The following LUZP2 variants were observed in gnomAD, a reference collection of about 807,000 sequenced individuals.
LUZP2 encodes leucine zipper protein 2.
A neutral mutation model predicts 51.6 loss-of-function variants in LUZP2; 52 were observed. The observed-to-expected ratio is 1.01, with a 90% CI of 0.81 to 1.27. The LOEUF (loss-of-function observed/expected upper bound fraction) is 1.27, where lower values mean the gene tolerates loss of function less well. Ranked by LOEUF, LUZP2 falls within the 50% of genes most tolerant of loss-of-function variation. The pLI is 0.00. For missense variants in LUZP2, 436 were observed against 395.4 expected, an observed-to-expected ratio of 1.10 and a Z score of -0.87; for synonymous variants, 154 against 137.3, an observed-to-expected ratio of 1.12 and a Z score of -0.85.
chr11:24,771,373 T>G (rs2134051959), intron 5 of LUZP2, among the ~76,000 whole-genome samples: 1 of 62,260 alleles, frequency 1.6e-5, no homozygotes, highest in South Asian at 5.3e-4. Context: ...TTATAGTGTC[T>G]TATGTATATA....
chr11:24,643,254 C>CAAAAAAAAAAA (rs570616833), intron 1 of LUZP2, among the ~76,000 whole-genome samples: 36 of 75,678 alleles, frequency 4.8e-4, no homozygotes, highest in African/African-American at 6.2e-4. Context: ...ACTAAAAGTA[C>CAAAAAAAAAAA]AAAAAAAAAA....
At chr11:24,697,593 A>T (rs1228901108) in intron 1 of LUZP2, among the ~76,000 whole-genome samples, 1 of 152,200 alleles carries the variant, frequency 6.6e-6, no homozygotes. Flanking sequence ...GGGCGATAAT[A>T]GCTCCTTTCC....
At chr11:24,676,695 G>T (rs1219035678) in intron 1 of LUZP2, among the ~76,000 whole-genome samples, 1 of 151,088 alleles carries the variant, frequency 6.6e-6, no homozygotes, top group African/African-American at 2.4e-5. Flanking sequence ...ACAGAGTCTT[G>T]CTCTGTCACC....
intron 5 of LUZP2, among the ~76,000 whole-genome samples, chr11:24,903,875 A>G (rs1008216639): frequency 2.6e-5 from 4 of 152,188 alleles, no homozygotes; most frequent in Non-Finnish European, 4.4e-5. Flanking sequence ...TTTAAAGGGT[A>G]ACAGATCTGT....
intron 1 of LUZP2, among the ~76,000 whole-genome samples, chr11:24,669,805 T>C (rs1856343314): frequency 6.6e-6 from 1 of 152,056 alleles, no homozygotes; most frequent in South Asian, 2.1e-4. Context: ...TTCTTTTGGC[T>C]TAGGTCATGA....
At chr11:24,763,520 C>T (rs1285407065) in intron 5 of LUZP2, among the ~76,000 whole-genome samples, 2 of 152,004 alleles carry the variant, frequency 1.3e-5, no homozygotes, top group Non-Finnish European at 2.9e-5. Flanking sequence ...GTCCAAACTT[C>T]TCTAGTTCAT....
chr11:24,715,878 A>G (rs191732523), intron 1 of LUZP2, among the ~76,000 whole-genome samples: 2 of 152,288 alleles, frequency 1.3e-5, no homozygotes, highest in African/African-American at 2.4e-5. Flanking sequence ...CATTATTTGT[A>G]GAGGGACTGC....
intron 5 of LUZP2, among the ~76,000 whole-genome samples, chr11:24,804,803 G>A (rs751368882): frequency 6.6e-6 from 1 of 152,024 alleles, no homozygotes; most frequent in Non-Finnish European, 1.5e-5. Flanking sequence ...ATATTTTGGT[G>A]TAGCATGTTC....
intron 9 of LUZP2, among the ~76,000 whole-genome samples, chr11:24,996,911 T>A (rs1856520007): frequency 6.6e-6 from 1 of 151,588 alleles, no homozygotes; most frequent in African/African-American, 2.4e-5. Flanking sequence ...GAATGATGAT[T>A]TCCAATTTCA....
At chr11:24,667,888 T>G (rs184396304) in intron 1 of LUZP2, among the ~76,000 whole-genome samples, 1 of 152,302 alleles carries the variant, frequency 6.6e-6, no homozygotes, top group Admixed American at 6.5e-5. Flanking sequence ...AAATAAATTA[T>G]CTAATGCAAA....
chr11:24,659,337 C>T (rs773537804), intron 1 of LUZP2, among the ~76,000 whole-genome samples: 10 of 152,156 alleles, frequency 6.6e-5, no homozygotes, highest in African/African-American at 1.4e-4. Context: ...AAGCAAACAC[C>T]GCATATTCTC....
In LUZP2 at chr11:24,924,662, C is replaced by T. The variant is rs538206788; in HGVS notation, c.522+10124C>T. ...TTAGAAAATCCTGAGAATGTGTGCT[C>T]AAGGTGGTTGAGCTACAGCTTGGTT... is the stretch of plus-strand genomic sequence containing the variant. On this transcript the variant is annotated intron_variant, in intron 7 of 11. Transcript: ENST00000336930. Among the ~76,000 whole-genome samples, 4 of 152,106 alleles carry T rather than the reference C, an allele frequency of 2.6e-5. No homozygotes were observed. In the East Asian group the frequency reaches 7.7e-4, roughly 29 times the overall value.
chr11:24,991,175 C>G (rs1856323145), intron 9 of LUZP2, among the ~76,000 whole-genome samples: 1 of 151,768 alleles, frequency 6.6e-6, no homozygotes, highest in Non-Finnish European at 1.5e-5. Context: ...TATGCCTTTG[C>G]ATCCTCATAA....
intron 1 of LUZP2, among the ~76,000 whole-genome samples, chr11:24,600,075 T>C (rs982082625): frequency 6.6e-6 from 1 of 151,934 alleles, no homozygotes; most frequent in Non-Finnish European, 1.5e-5. Context: ...GAAAATAGGG[T>C]CTTCATGTAA....
chr11:25,040,342 G>GGTTTTTTTTTTTTTTTT (rs1491549909), intron 9 of LUZP2, among the ~76,000 whole-genome samples: 2 of 34,028 alleles, frequency 5.9e-5, no homozygotes, highest in Admixed American at 3.9e-4. Flanking sequence ...CTTTCTTTCC[G>GGTTTTTTTTTTTTTTTT]ATTTTTTTTT....
At chr11:24,561,027 A>G (rs1852023595) in intron 1 of LUZP2, among the ~76,000 whole-genome samples, 1 of 152,182 alleles carries the variant, frequency 6.6e-6, no homozygotes, top group Admixed American at 6.6e-5. Flanking sequence ...GGAAAAAATA[A>G]ACTGCACAGC....
chr11:24,816,873 AC>A (rs929456284), intron 5 of LUZP2, among the ~76,000 whole-genome samples: 5 of 151,956 alleles, frequency 3.3e-5, no homozygotes, highest in Non-Finnish European at 7.4e-5. Context: ...TATATTTGAG[AC>A]TTTTTTTAGT....
intron 9 of LUZP2, among the ~76,000 whole-genome samples, chr11:25,044,823 G>C (rs1020936650): frequency 6.6e-6 from 1 of 151,860 alleles, no homozygotes; most frequent in Non-Finnish European, 1.5e-5. Flanking sequence ...TGTCCAACAA[G>C]GATAGACTGG....
At chr11:24,551,066 T>C (rs539920707) in intron 1 of LUZP2, among the ~76,000 whole-genome samples, 31 of 152,224 alleles carry the variant, frequency 2.0e-4, no homozygotes, top group African/African-American at 7.5e-4. Flanking sequence ...GGGAAAAATA[T>C]CTTCATGTAC....
Sources: gnomAD v4.1 joint callset for allele counts (sites outside exome capture counted in the v4.1 genomes callset) on GRCh38, gnomAD v4.1.1 for gene constraint, MANE v1.5 for transcripts, NCBI Gene and HGNC (gene_info 2026-07-23, HGNC 2026-07-21) for gene names.